MTUS2: variants seen among roughly 807,000 people sequenced by gnomAD.
MTUS2 encodes microtubule-associated tumor suppressor candidate 2.
In MTUS2, 40 loss-of-function variants were observed where a neutral mutation model predicts 114.1. The observed-to-expected ratio is 0.35, with a 90% CI of 0.27 to 0.46. The LOEUF (loss-of-function observed/expected upper bound fraction) is 0.46. Among genes scored for constraint, MTUS2 ranks in the 20% least tolerant of loss-of-function variants. The pLI is 1.00. For missense variants in MTUS2, 1,679 were observed against 1,705.4 expected, an observed-to-expected ratio of 0.98 and a Z score of 0.27; for synonymous variants, 688 against 672.0, an observed-to-expected ratio of 1.02 and a Z score of -0.37.
At position 29,067,238 on chromosome 13, in the gene MTUS2, C is replaced by CAG. The variant is rs755925264; in HGVS notation, c.2446+33120_2446+33121dup. On this transcript the variant is annotated intron_variant, in intron 4 of 15. Transcript: ENST00000612955. ...AGCCATGGGAATAGATGAGCAGATT[C>CAG]AGAGAGAGGGGGGAGGATAGAGTAA... is the stretch of plus-strand genomic sequence containing the variant. 9.9e-4 allele frequency among the ~76,000 whole-genome samples: 150 copies of CAG among 152,102 alleles called. 1 individual carries two copies. Among genetic ancestry groups the CAG allele is most frequent in the Admixed American group, 5.0e-3 (77 of 15,266 alleles).
Position 29,025,220 on chromosome 13 carries a change from G to T in MTUS2, c.522G>T (p.Arg174Ser). ...CCCTTGACAATGAGGAACTGAGGAG[G>T]CATTCTTTGGAAAGAGCAAGCAGCT... ...AKTLDNEELRRHSLERASSSV... is the reference protein window; with the variant it reads ...AKTLDNEELRSHSLERASSSV... The change falls in exon 3 of 16, where the codon AGG (arginine) becomes AGT (serine). Residue 174 changes from arginine to serine, a missense_variant. This residue lies in a region of MTUS2 where 843 missense variants were observed against 770.8 expected (regional missense o/e 1.09). Coordinates refer to ENST00000612955, the MANE Select transcript of MTUS2 (RefSeq NM_001033602.4). 1 of 1,614,010 alleles carries T rather than the reference G, an allele frequency of 6.2e-7. No individual in the cohort carries two copies. The highest frequency in any genetic ancestry group is 1.1e-5 in the South Asian group (1 of 91,088).
chr13:28,857,786 C>G (rs957093229), intron 2 of MTUS2, among the ~76,000 whole-genome samples: 1 of 152,204 alleles, frequency 6.6e-6, no homozygotes, highest in Admixed American at 6.5e-5. Flanking sequence ...GTGTTCTGCG[C>G]AGAATCTTAC....
In MTUS2 at chr13:29,174,705, C is replaced by G. The variant is rs567101017; in HGVS notation, c.2644+73735C>G. ...CTTATAATACCAACATAGTCCATACCATGTGGACAAGAATTTCCCCTCTGC... is the reference window on the plus strand; with the variant it reads ...CTTATAATACCAACATAGTCCATACGATGTGGACAAGAATTTCCCCTCTGC... On this transcript the variant is annotated intron_variant, in intron 5 of 15. Transcript: ENST00000612955. Among the ~76,000 whole-genome samples the G allele has an allele frequency of 2.0e-4, 30 of 152,222 alleles. No homozygotes were observed. In the South Asian group the frequency reaches 5.0e-3, roughly 25 times the overall value.
intron 5 of MTUS2, among the ~76,000 whole-genome samples, chr13:29,153,037 A>T (rs900117194): frequency 6.6e-6 from 1 of 152,182 alleles, no homozygotes; most frequent in African/African-American, 2.4e-5. Context: ...GACCCTGGAG[A>T]AATACCCTAA....
At chr13:29,442,829 T>A (rs1199149924) in intron 9 of MTUS2, among the ~76,000 whole-genome samples, 2 of 152,336 alleles carry the variant, frequency 1.3e-5, no homozygotes, top group East Asian at 3.9e-4. Context: ...ACTCAGGAAC[T>A]GAAAGATGCT....
intron 5 of MTUS2, among the ~76,000 whole-genome samples, chr13:29,160,320 T>G (rs996539704): frequency 5.3e-5 from 8 of 152,366 alleles, no homozygotes; most frequent in African/African-American, 1.9e-4. Context: ...TCTTTGTGAC[T>G]TCCTTAATAT....
chr13:28,925,305 C>T (rs7319165), intron 2 of MTUS2, among the ~76,000 whole-genome samples: 38,212 of 151,936 alleles, frequency 0.25, 5,763 homozygotes, highest in African/African-American at 0.42. Context: ...GAACAATTAA[C>T]GAATTCCTGG....
At chr13:28,955,243 G>A (rs979114590) in intron 2 of MTUS2, among the ~76,000 whole-genome samples, 4 of 152,182 alleles carry the variant, frequency 2.6e-5, no homozygotes, top group East Asian at 3.8e-4. Flanking sequence ...GAAGTTTTGC[G>A]TAATGCAGCT....
At chr13:29,233,091 C>A (rs964382343) in intron 5 of MTUS2, among the ~76,000 whole-genome samples, 60 of 152,164 alleles carry the variant, frequency 3.9e-4, no homozygotes, top group African/African-American at 1.4e-3. Flanking sequence ...ATTATTCCAT[C>A]ATGTGTTGGC....
Position 29,271,675 on chromosome 13 carries a change from G to A in MTUS2, c.2645-10029G>A, listed in dbSNP as rs151124473. Among the ~76,000 whole-genome samples, 7 of 152,206 alleles carry A rather than the reference G, an allele frequency of 4.6e-5. No individual in the cohort carries two copies. In the East Asian group the frequency reaches 1.4e-3, roughly 29 times the overall value. On this transcript the variant is annotated intron_variant, in intron 5 of 15. Transcript: ENST00000612955. ...GTTCATCAGTGATTTGCCAAGTGCG[G>A]GTTTATAACAATAACATCAGCCAGC...
chr13:29,281,686 G>C lies in MTUS2; in HGVS notation c.2645-18G>C, dbSNP rs77987633. 1 of 1,586,742 alleles carries C rather than the reference G, an allele frequency of 6.3e-7. No homozygotes were observed. Among genetic ancestry groups the C allele is most frequent in the East Asian group, 2.3e-5 (1 of 43,554 alleles). On this transcript the variant is annotated intron_variant, in intron 5 of 15. Coordinates refer to ENST00000612955, the MANE Select transcript of MTUS2 (RefSeq NM_001033602.4). ...TTTTTCATGAAGTTATAATTAACAC[G>C]CTGTCTGCCTCCCACAGGTTCAACC...
At chr13:29,400,446 T>C (rs916987927) in intron 8 of MTUS2, among the ~76,000 whole-genome samples, 12 of 152,290 alleles carry the variant, frequency 7.9e-5, no homozygotes, top group African/African-American at 2.6e-4. Context: ...AGCACAGAAA[T>C]TGTGAATTGA....
rs1234691757 is a variant in MTUS2, at chr13:29,438,805, T to TA, written c.3118-1177dup. On this transcript the variant is annotated intron_variant, in intron 8 of 15. Coordinates refer to ENST00000612955, the MANE Select transcript of MTUS2 (RefSeq NM_001033602.4). ...AAATAGCTCTCAGTGTATTATGAAA[T>TA]AGAGTTTTATTTTTGGCATGATGAA... is the stretch of plus-strand genomic sequence containing the variant. Among the ~76,000 whole-genome samples, 3 of 152,226 alleles carry TA rather than the reference T, an allele frequency of 2.0e-5. No individual in the cohort carries two copies. In the East Asian group the frequency reaches 5.8e-4, roughly 29 times the overall value.
chr13:29,266,260 C>T (rs1157405633), intron 5 of MTUS2, among the ~76,000 whole-genome samples: 1 of 152,154 alleles, frequency 6.6e-6, no homozygotes, highest in African/African-American at 2.4e-5. Context: ...CTTTTATCCC[C>T]ATTTTAAGGA....
chr13:29,037,680 T>G (rs573450775), intron 4 of MTUS2, among the ~76,000 whole-genome samples: 1 of 152,350 alleles, frequency 6.6e-6, no homozygotes, highest in East Asian at 1.9e-4. Context: ...TTTCACATGG[T>G]CCCATATTTC....
chr13:29,428,549 T>G (rs1288469045), intron 8 of MTUS2: 6 of 595,846 alleles, frequency 1.0e-5, no homozygotes, highest in South Asian at 8.1e-5. Flanking sequence ...CCCTGAGGAC[T>G]CCAGTGGCAA....
At chr13:29,013,109 A>G (rs555763538) in intron 2 of MTUS2, among the ~76,000 whole-genome samples, 1 of 152,316 alleles carries the variant, frequency 6.6e-6, no homozygotes, top group South Asian at 2.1e-4. Flanking sequence ...TGAAATGCCT[A>G]TAGGAAAAAT....
At chr13:29,243,783 A>T (rs1896813211) in intron 5 of MTUS2, among the ~76,000 whole-genome samples, 1 of 152,212 alleles carries the variant, frequency 6.6e-6, no homozygotes, top group South Asian at 2.1e-4. Context: ...GCCGTTGAAG[A>T]ACAGAAACTC....
At chr13:28,950,240 A>G (rs913263879) in intron 2 of MTUS2, among the ~76,000 whole-genome samples, 9 of 152,150 alleles carry the variant, frequency 5.9e-5, no homozygotes, top group Non-Finnish European at 1.0e-4. Flanking sequence ...CCATTTGTAT[A>G]TCTTCTTTGG....
Sources: allele counts gnomAD v4.1 joint callset (sites outside exome capture counted in the v4.1 genomes callset), GRCh38; gene constraint gnomAD v4.1.1; regional missense constraint gnomAD v4.1.1; transcripts MANE v1.5; gene names NCBI Gene and HGNC (gene_info 2026-07-23, HGNC 2026-07-21).